The following MINK1 variants were observed in gnomAD, a reference collection of about 807,000 sequenced individuals.
The protein encoded by MINK1 is misshapen-like kinase 1.
In MINK1, 46 loss-of-function variants were observed where a neutral mutation model predicts 178.4. The observed-to-expected ratio is 0.26, with a 90% CI of 0.20 to 0.33. The LOEUF (loss-of-function observed/expected upper bound fraction) is 0.33. Among genes scored for constraint, MINK1 ranks in the 10% least tolerant of loss-of-function variants. The pLI is 1.00. For synonymous variants in MINK1, 797 were observed against 709.7 expected, an observed-to-expected ratio of 1.12 and a Z score of -1.96; for missense variants, 1,366 against 1,814.9, an observed-to-expected ratio of 0.75 and a Z score of 4.49.
At position 4,886,627 on chromosome 17, in the gene MINK1, G is replaced by T; in HGVS notation, c.949+1G>T. ...TCCCGGAAGAAGCGGGGTGAGAAAG[G>T]TCAGTGGGCAGGCTGGAGGGGGCAG... On this transcript the variant is annotated splice_donor_variant, in intron 10 of 31. Coordinates refer to ENST00000355280, the MANE Select transcript of MINK1 (RefSeq NM_153827.5). LOFTEE classifies it high-confidence loss of function. This position sits in a 1 kb window ranked among gnomAD's most constrained non-coding sequence, Gnocchi z 6.1. 1 of 1,584,042 alleles carries T rather than the reference G, an allele frequency of 6.3e-7. No individual in the cohort carries two copies. Among genetic ancestry groups the T allele is most frequent in the Non-Finnish European group, 8.6e-7 (1 of 1,163,380 alleles).
At chr17:4,870,707 C>A (rs1177113517) in intron 1 of MINK1, among the ~76,000 whole-genome samples, 1 of 151,974 alleles carries the variant, frequency 6.6e-6, no homozygotes, top group Admixed American at 6.6e-5. Flanking sequence ...CACCTGTAGT[C>A]CCAGCTACTT....
chr17:4,867,911 A>C (rs1915277693), intron 1 of MINK1, among the ~76,000 whole-genome samples: 1 of 152,054 alleles, frequency 6.6e-6, no homozygotes, highest in Non-Finnish European at 1.5e-5. Context: ...AATCAGCATA[A>C]TTTGGGCATC....
chr17:4,847,555 A>G (rs535107747), intron 1 of MINK1, among the ~76,000 whole-genome samples: 72 of 152,320 alleles, frequency 4.7e-4, no homozygotes, highest in African/African-American at 1.5e-3. Flanking sequence ...TTGAGTGCCT[A>G]CTATGAGACA....
At chr17:4,881,088 A>G in intron 3 of MINK1, 44 bp from the exon 4 acceptor site, 1 of 1,535,908 alleles carries the variant, frequency 6.5e-7, no homozygotes, top group East Asian at 2.4e-5. Flanking sequence ...GCGAGAAGGG[A>G]GTGTTGGGGG....
intron 13 of MINK1, chr17:4,889,981 C>G: frequency 1.7e-6 from 1 of 587,946 alleles, no homozygotes; most frequent in South Asian, 2.0e-5. Flanking sequence ...TTACCCCATC[C>G]CTGACTCCCC....
intron 1 of MINK1, among the ~76,000 whole-genome samples, chr17:4,835,347 G>A (rs1359610713): frequency 1.3e-5 from 2 of 152,196 alleles, no homozygotes; most frequent in Non-Finnish European, 2.9e-5. Flanking sequence ...GGGTGGGTCA[G>A]GCCGGGCGAG....
Position 4,890,969 on chromosome 17 carries a change from A to G in MINK1, c.1585A>G (p.Met529Val). The G allele has an allele frequency of 6.4e-7, 1 of 1,557,640 alleles. No homozygotes were observed. The highest frequency in any genetic ancestry group is 8.7e-7 in the Non-Finnish European group (1 of 1,150,568). ...WAREVEERTR[M>V]NKQQNSPLAK... Reference sequence around the variant, plus strand: ...ATCACAGGTAGAAGAGAGAACAAGGATGAACAAGCAGCAGAACTCTCCCTT... The same window carrying G: ...ATCACAGGTAGAAGAGAGAACAAGGGTGAACAAGCAGCAGAACTCTCCCTT... Residue 529 changes from methionine (M) to valine (V), a missense_variant, in exon 15 of 32, where the codon ATG (methionine) becomes GTG (valine). Met to Val is a conservative substitution (Grantham distance 21). Transcript: ENST00000355280.
intron 1 of MINK1, among the ~76,000 whole-genome samples, chr17:4,842,679 G>A (rs1910433865): frequency 6.6e-6 from 1 of 152,222 alleles, no homozygotes; most frequent in African/African-American, 2.4e-5. Context: ...TTAGTTCTAA[G>A]TGACTCAGGA....
chr17:4,895,148 G>C lies in MINK1; in HGVS notation c.2991G>C (p.Val997=). The C allele has an allele frequency of 6.2e-7, 1 of 1,613,986 alleles. No individual in the cohort carries two copies. The stretch of plus-strand genomic sequence containing the variant: ...TGAGGAAGGGTTCTGTGGTCAACGT[G>C]AATCCCACCAACACCCGGGCCCACA... ...YDVRKGSVVN[V]NPTNTRAHSE... The change falls in exon 25 of 32, where the codon GTG becomes GTC. Residue 997 remains valine (V), a synonymous_variant. Coordinates refer to ENST00000355280, the MANE Select transcript of MINK1 (RefSeq NM_153827.5). The surrounding 1 kb of genome is among the most constrained non-coding windows in gnomAD (Gnocchi z 4.3).
chr17:4,876,528 T>C (rs1429817388), intron 1 of MINK1, among the ~76,000 whole-genome samples: 2 of 152,208 alleles, frequency 1.3e-5, no homozygotes, highest in Non-Finnish European at 2.9e-5. Flanking sequence ...CTTGGGCTTA[T>C]TACTTCAGTG....
chr17:4,838,469 G>T (rs899107857), intron 1 of MINK1, among the ~76,000 whole-genome samples: 1 of 152,124 alleles, frequency 6.6e-6, no homozygotes, highest in African/African-American at 2.4e-5. Flanking sequence ...GTAGAATCCT[G>T]ACTTCACATC....
chr17:4,852,430 G>A (rs1474886124), intron 1 of MINK1, among the ~76,000 whole-genome samples: 1 of 151,844 alleles, frequency 6.6e-6, no homozygotes, highest in Admixed American at 6.6e-5. Context: ...GGAGAGGATT[G>A]TGAGGGGCAC....
Position 4,891,524 on chromosome 17 carries a change from G to A in MINK1, c.1809G>A (p.Gln603=). 1.9e-6 allele frequency: 3 copies of A among 1,611,960 alleles called. No homozygotes were observed. Among genetic ancestry groups the A allele is most frequent in the South Asian group, 2.2e-5 (2 of 90,554 alleles). ...CTGTACCCCGATCCCAGTCCCTGCA[G>A]GACCAGCCCACCCGAAACCTGGCTG... is the stretch of plus-strand genomic sequence containing the variant. ...AAPVPRSQSL[Q]DQPTRNLAAF... Residue 603 remains glutamine, a synonymous_variant, in exon 16 of 32, where the codon CAG becomes CAA. Transcript: ENST00000355280.
chr17:4,862,276 T>C (rs1442400817), intron 1 of MINK1, among the ~76,000 whole-genome samples: 1 of 152,192 alleles, frequency 6.6e-6, no homozygotes, highest in Non-Finnish European at 1.5e-5. Flanking sequence ...TGGCAAGTTA[T>C]TTACCTTCCC....
chr17:4,839,675 A>G (rs1909884684), intron 1 of MINK1, among the ~76,000 whole-genome samples: 1 of 152,156 alleles, frequency 6.6e-6, no homozygotes, highest in South Asian at 2.1e-4. Context: ...TCTAGGGGGT[A>G]ATGGAAAAAG....
At position 4,894,705 on chromosome 17, in the gene MINK1, T is replaced by C. The variant is rs1457961977; in HGVS notation, c.2917+72T>C. ...AGCCTGGAGGGGAGCACAGTGGTCT[T>C]GAGACGCAGCCTCACAAAGCATAGC... On this transcript the variant is annotated intron_variant, in intron 24 of 31. Transcript: ENST00000355280. The surrounding 1 kb of genome is among the most constrained non-coding windows in gnomAD (Gnocchi z 4.1). 8.4e-7 allele frequency: 1 copy of C among 1,186,786 alleles called. No individual in the cohort carries two copies. The highest frequency in any genetic ancestry group is 1.5e-5 in the African/African-American group (1 of 64,832). 73.5% of individuals were successfully genotyped at this position (1,186,786 alleles called of 1,614,324 possible).
chr17:4,870,718 G>A (rs1434484055), intron 1 of MINK1, among the ~76,000 whole-genome samples: 5 of 152,046 alleles, frequency 3.3e-5, no homozygotes, highest in Admixed American at 1.3e-4. Flanking sequence ...CCAGCTACTT[G>A]GGAGTTTGAG....
Position 4,894,295 on chromosome 17 carries a change from A to G in MINK1, c.2792A>G (p.Lys931Arg). The G allele has an allele frequency of 6.2e-7, 1 of 1,612,400 alleles. No individual in the cohort carries two copies. Among genetic ancestry groups the G allele is most frequent in the Non-Finnish European group, 8.5e-7 (1 of 1,179,624 alleles). ...AGCAAAGGCCAAAGCCCACCCTCGA[A>G]GGATGGGAGTGGTGACGTAAGTGGG... ...ENSKGQSPPS[K>R]DGSGDYQSRG... Residue 931 changes from lysine to arginine, a missense_variant, in exon 23 of 32, where the codon AAG (lysine) becomes AGG (arginine). Lys to Arg is a conservative substitution (Grantham distance 26, BLOSUM62 2). Transcript: ENST00000355280. The surrounding 1 kb of genome is among the most constrained non-coding windows in gnomAD (Gnocchi z 4.1).
chr17:4,851,188 C>T (rs1215748701), intron 1 of MINK1, among the ~76,000 whole-genome samples: 1 of 152,212 alleles, frequency 6.6e-6, no homozygotes. Flanking sequence ...GAGCCAGTTT[C>T]TTCATAATGA....
Sources: allele counts gnomAD v4.1 joint callset (sites outside exome capture counted in the v4.1 genomes callset), GRCh38; gene constraint gnomAD v4.1.1; non-coding constraint Gnocchi (gnomAD v3.1); transcripts MANE v1.5; gene names NCBI Gene and HGNC (gene_info 2026-07-23, HGNC 2026-07-21).